STMN2: variants seen among roughly 807,000 people sequenced by gnomAD.
STMN2 encodes stathmin-2.
A neutral mutation model predicts 24.1 loss-of-function variants in STMN2; 2 were observed. The observed-to-expected ratio is 0.08, with a 90% CI of 0.03 to 0.26. The LOEUF is 0.26. STMN2 is among the 10% of genes least tolerant of loss of function. STMN2 has a pLI of 1.00. For synonymous variants in STMN2, 83 were observed against 77.5 expected, an observed-to-expected ratio of 1.07 and a Z score of -0.37; for missense variants, 114 against 213.6, an observed-to-expected ratio of 0.53 and a Z score of 2.91.
At chr8:79,640,811 C>T (rs1810078988) in intron 2 of STMN2, among the ~76,000 whole-genome samples, 2 of 152,178 alleles carry the variant, frequency 1.3e-5, no homozygotes, top group Admixed American at 1.3e-4. Flanking sequence ...GCCAAATATG[C>T]CCAACTGTTC....
intron 4 of STMN2, among the ~76,000 whole-genome samples, chr8:79,657,584 A>T (rs1261309084): frequency 6.6e-6 from 1 of 152,200 alleles, no homozygotes; most frequent in African/African-American, 2.4e-5. Context: ...TCAGCAGTCT[A>T]TCCCACGTCA....
chr8:79,614,613 A>C (rs1305102505), intron 1 of STMN2, among the ~76,000 whole-genome samples: 1 of 152,226 alleles, frequency 6.6e-6, no homozygotes, highest in Non-Finnish European at 1.5e-5. Flanking sequence ...TGCACGTTAA[A>C]ATTCTCTGAG....
Position 79,621,422 on chromosome 8 carries a change from T to G in STMN2, c.19+10208T>G, listed in dbSNP as rs139366065. Among the ~76,000 whole-genome samples, 1,072 of 152,366 alleles carry G rather than the reference T, an allele frequency of 7.0e-3. 18 individuals carry two copies. The highest frequency in any genetic ancestry group is 0.024 in the African/African-American group (1,009 of 41,588). On this transcript the variant is annotated intron_variant, in intron 1 of 4. Transcript: ENST00000220876. ...ATCAAAAACTGCGTCATTTGCTTTT[T>G]GAAAAATACTTTCTATGTAATGAAA...
intron 1 of STMN2, chr8:79,613,428 T>A: frequency 1.0e-6 from 1 of 985,334 alleles, no homozygotes; most frequent in Non-Finnish European, 1.2e-6. Flanking sequence ...GGGAGACCGG[T>A]TTCTGCGCAG....
At chr8:79,635,559 G>A (rs1325705853) in intron 1 of STMN2, among the ~76,000 whole-genome samples, 1 of 152,180 alleles carries the variant, frequency 6.6e-6, no homozygotes, top group Non-Finnish European at 1.5e-5. Context: ...TATAAAGCAT[G>A]CAATACAACA....
At position 79,648,453 on chromosome 8, in the gene STMN2, C is replaced by CTTTTT. The variant is rs11374351; in HGVS notation, c.289-6401_289-6397dup. On this transcript the variant is annotated intron_variant, in intron 3 of 4. Transcript: ENST00000220876. ...AAATGCTACCATACAATATACGTTG[C>CTTTTT]TTTTTTTTTTTTTTTTTTTTTGAGA... Among the ~76,000 whole-genome samples the CTTTTT allele has an allele frequency of 1.7e-3, 168 of 97,878 alleles. 6 individuals are homozygous for CTTTTT. The highest frequency in any genetic ancestry group is 2.3e-3 in the Non-Finnish European group (120 of 52,894). The allele number at this position is 97,878 out of a possible 152,430, so 64.2% of individuals were successfully genotyped here. A position where few individuals can be genotyped will look rare whatever the true frequency, so the allele number is the denominator to read the frequency against.
intron 1 of STMN2, among the ~76,000 whole-genome samples, chr8:79,615,966 C>T (rs2130293756): frequency 6.6e-6 from 1 of 152,094 alleles, no homozygotes; most frequent in South Asian, 2.1e-4. Flanking sequence ...ATTTAGCAGC[C>T]GAATATTTTA....
chr8:79,642,873 C>CATAT (rs71304766), intron 3 of STMN2, among the ~76,000 whole-genome samples: 27 of 147,336 alleles, frequency 1.8e-4, no homozygotes, highest in African/African-American at 4.2e-4. Flanking sequence ...ATGAGCATGT[C>CATAT]ATATATATAT....
At chr8:79,619,903 T>C (rs187624208) in intron 1 of STMN2, among the ~76,000 whole-genome samples, 111 of 152,056 alleles carry the variant, frequency 7.3e-4, no homozygotes, top group African/African-American at 2.6e-3. Flanking sequence ...TTTTTTCTTA[T>C]ATAGTTTTTT....
chr8:79,641,613 C>A (rs977865222), intron 3 of STMN2, 63 bp downstream of exon 3: 1 of 1,333,834 alleles, frequency 7.5e-7, no homozygotes, highest in South Asian at 1.3e-5. Flanking sequence ...CTCACACACT[C>A]GGGCACACAT....
intron 3 of STMN2, among the ~76,000 whole-genome samples, chr8:79,643,685 A>T (rs938596007): frequency 1.3e-5 from 2 of 152,182 alleles, no homozygotes; most frequent in African/African-American, 4.8e-5. Flanking sequence ...TGAGGTTACT[A>T]ATTAATGAAA....
chr8:79,624,348 G>GGAGGCT (rs1484806530), intron 1 of STMN2, among the ~76,000 whole-genome samples: 1 of 151,612 alleles, frequency 6.6e-6, no homozygotes, highest in East Asian at 1.9e-4. Context: ...CAGCTACTCG[G>GGAGGCT]GAGGCTGAGG....
rs551968422 is a variant in STMN2 at position 79,659,381 on chromosome 8, G to A, written c.480+4319G>A. Among the ~76,000 whole-genome samples, 347 of 152,206 alleles carry A rather than the reference G, an allele frequency of 2.3e-3. 1 individual carries two copies. The highest frequency in any genetic ancestry group is 3.5e-3 in the Non-Finnish European group (236 of 68,002). On this transcript the variant is annotated intron_variant, in intron 4 of 4. Coordinates refer to ENST00000220876, the MANE Select transcript of STMN2 (RefSeq NM_007029.4). ...GAGAAACAGAGAAGGGGAGGAGAGG[G>A]GAAGAGAGGAAGATGAGAGAAAGGA...
intron 3 of STMN2, among the ~76,000 whole-genome samples, chr8:79,646,101 G>A (rs995236356): frequency 2.6e-5 from 4 of 151,946 alleles, no homozygotes; most frequent in Non-Finnish European, 4.4e-5. Context: ...ATGTGAAAGC[G>A]GCAATATATA....
chr8:79,621,158 G>A (rs1378683513), intron 1 of STMN2, among the ~76,000 whole-genome samples: 1 of 152,146 alleles, frequency 6.6e-6, no homozygotes, highest in African/African-American at 2.4e-5. Context: ...TCTTGCTGAC[G>A]CACCTTGGTC....
At chr8:79,621,373 A>G (rs1163388765) in intron 1 of STMN2, among the ~76,000 whole-genome samples, 3 of 152,266 alleles carry the variant, frequency 2.0e-5, no homozygotes, top group Non-Finnish European at 2.9e-5. Context: ...ATTTAGAATG[A>G]GTAAAGAGGG....
intron 2 of STMN2, 152 bp downstream of exon 2, chr8:79,637,049 T>A (rs1809979833): frequency 1.5e-6 from 1 of 683,918 alleles, no homozygotes; most frequent in Non-Finnish European, 2.5e-6. Flanking sequence ...TCCAATTGAT[T>A]ACCTATTGCT....
In STMN2 at chr8:79,632,201, G is replaced by A. The variant is rs563313503; in HGVS notation, c.20-4601G>A. Among the ~76,000 whole-genome samples the A allele has an allele frequency of 3.9e-5, 6 of 152,022 alleles. No homozygotes were observed. In the East Asian group the frequency reaches 1.2e-3, roughly 29 times the overall value. ...AGGGGTTTTTTTCTTAAGGAAAGAG[G>A]TGCTTTCTGCCACGTATATATAAAT... On this transcript the variant is annotated intron_variant, in intron 1 of 4. Coordinates refer to ENST00000220876, the MANE Select transcript of STMN2 (RefSeq NM_007029.4).
chr8:79,618,206 G>A (rs1354314503), intron 1 of STMN2, among the ~76,000 whole-genome samples: 1 of 152,164 alleles, frequency 6.6e-6, no homozygotes, highest in Non-Finnish European at 1.5e-5. Flanking sequence ...CCAAATTGAT[G>A]CCTAGTTTTA....
Sources: gnomAD v4.1 joint callset for allele counts (sites outside exome capture counted in the v4.1 genomes callset) on GRCh38, gnomAD v4.1.1 for gene constraint, MANE v1.5 for transcripts, NCBI Gene and HGNC (gene_info 2026-07-23, HGNC 2026-07-21) for gene names.